Variants in DMTF1 observed in about 807,000 individuals in gnomAD.
DMTF1 encodes the protein cyclin-D-binding Myb-like transcription factor 1.
A neutral mutation model predicts 91.1 loss-of-function variants in DMTF1; 39 were observed. The observed-to-expected ratio is 0.43, with a 90% confidence interval of 0.33 to 0.56. The LOEUF is 0.56. Ranked by LOEUF, DMTF1 falls within the 20% of genes least tolerant of loss-of-function variation. The pLI, the probability that DMTF1 is intolerant of heterozygous loss-of-function variation, is 0.05. For missense variants in DMTF1, 750 were observed against 914.5 expected (o/e 0.82, Z 2.32); for synonymous variants, 338 against 309.5 (o/e 1.09, Z -0.97).
At position 87,173,534 on chromosome 7, in the gene DMTF1, G is replaced by T; in HGVS notation, c.328-1G>T. On this transcript the variant is annotated splice_acceptor_variant, in intron 5 of 17. Coordinates refer to ENST00000331242, the MANE Select transcript of DMTF1 (RefSeq NM_001142327.2). LOFTEE classifies it high-confidence loss of function. Reference sequence around the variant, plus strand: ...TTTTGTTTTACTTTTACCTTTTCAAGATTTTGCAGAATGAGCAACTAGATG... The same window carrying T: ...TTTTGTTTTACTTTTACCTTTTCAATATTTTGCAGAATGAGCAACTAGATG... 1.3e-6 allele frequency: 2 copies of T among 1,592,170 alleles called. No homozygotes were observed. The highest frequency in any genetic ancestry group is 1.7e-6 in the Non-Finnish European group (2 of 1,168,440).
intron 5 of DMTF1, 22 bp from the exon 6 acceptor site, chr7:87,173,513 G>GTTTT (rs754561150): frequency 6.6e-7 from 1 of 1,521,550 alleles, no homozygotes; most frequent in African/African-American, 1.4e-5. Context: ...GTTTTGTTTT[G>GTTTT]TTTTACTTTT....
At position 87,195,280 on chromosome 7, in the gene DMTF1, C is replaced by T; in HGVS notation, c.*140C>T. ...AGTCCTTAAGCCACACACATTGTTGCTGCTATGACTTTTTACCTCCTTTAA... is the reference window on the plus strand; with the variant it reads ...AGTCCTTAAGCCACACACATTGTTGTTGCTATGACTTTTTACCTCCTTTAA... On this transcript the variant is annotated 3_prime_UTR_variant, in exon 18 of 18. Transcript: ENST00000331242. 1.6e-6 allele frequency: 1 copy of T among 611,458 alleles called. No homozygotes were observed. The highest frequency in any genetic ancestry group is 2.0e-5 in the South Asian group (1 of 48,916). The allele number at this position is 611,458 out of a possible 1,614,324, so 37.9% of individuals were successfully genotyped here. A position where few individuals can be genotyped will look rare whatever the true frequency, so the allele number is the denominator to read the frequency against.
intron 8 of DMTF1, 80 bp downstream of exon 8, chr7:87,179,782 G>A (rs1243644022): frequency 7.7e-7 from 1 of 1,291,758 alleles, no homozygotes; most frequent in Non-Finnish European, 1.1e-6. Context: ...TTAAACAATA[G>A]AAATATGGTC....
At chr7:87,191,076 C>T (rs770810398) in intron 14 of DMTF1, 49 bp downstream of exon 14, 1 of 1,188,976 alleles carries the variant, frequency 8.4e-7, no homozygotes, top group East Asian at 2.5e-5. Flanking sequence ...TGAGAAAGAT[C>T]AGTTGCTATC....
chr7:87,177,138 T>C (rs1796425692), intron 7 of DMTF1, among the ~76,000 whole-genome samples: 1 of 152,196 alleles, frequency 6.6e-6, no homozygotes, highest in South Asian at 2.1e-4. Flanking sequence ...ATGCATACAC[T>C]GTGATTTCAC....
At chr7:87,154,710 T>G (rs1172691329) in intron 1 of DMTF1, among the ~76,000 whole-genome samples, 3 of 152,204 alleles carry the variant, frequency 2.0e-5, no homozygotes, top group Admixed American at 1.3e-4. Flanking sequence ...GGGAAATGTT[T>G]ACTGGTGGAG....
chr7:87,167,587 C>T (rs1235239551), intron 4 of DMTF1, among the ~76,000 whole-genome samples: 1 of 150,984 alleles, frequency 6.6e-6, no homozygotes, highest in East Asian at 1.9e-4. Flanking sequence ...TCATATCTAT[C>T]ATATCTTAAC....
At chr7:87,173,953 A>C (rs1037111456) in intron 6 of DMTF1, among the ~76,000 whole-genome samples, 3 of 152,156 alleles carry the variant, frequency 2.0e-5, no homozygotes, top group Non-Finnish European at 4.4e-5. Context: ...TGAGAGTAGG[A>C]AGTCAAGCCT....
chr7:87,176,566 C>G (rs10263920), intron 7 of DMTF1, among the ~76,000 whole-genome samples: 106,647 of 152,020 alleles, frequency 0.7, 38,268 homozygotes, highest in Middle Eastern at 0.86. Context: ...AGGACTTAAA[C>G]TACAGTGGTA....
At chr7:87,159,129 AAATT>A (rs776595695) in intron 1 of DMTF1, among the ~76,000 whole-genome samples, 1 of 152,164 alleles carries the variant, frequency 6.6e-6, no homozygotes, top group Non-Finnish European at 1.5e-5. Flanking sequence ...GAATAATTCA[AAATT>A]AAAGTTTTTA....
chr7:87,163,844 C>T (rs1367168856), intron 2 of DMTF1, among the ~76,000 whole-genome samples: 2 of 152,004 alleles, frequency 1.3e-5, no homozygotes, highest in Non-Finnish European at 2.9e-5. Flanking sequence ...AATACATTCA[C>T]TTCAGTGGTA....
intron 1 of DMTF1, among the ~76,000 whole-genome samples, chr7:87,156,372 A>G (rs1056881445): frequency 3.3e-5 from 5 of 152,170 alleles, no homozygotes; most frequent in Non-Finnish European, 7.4e-5. Context: ...AGACTCCACT[A>G]ACAGCTCTGT....
At chr7:87,194,910 T>G (rs551788128) in intron 17 of DMTF1, 82 bp downstream of exon 17, 357 of 1,493,174 alleles carry the variant, frequency 2.4e-4, no homozygotes, top group Non-Finnish European at 2.9e-4. Context: ...GTTTCAGTCT[T>G]TCTTGATCCA....
rs563619687 is a variant in DMTF1, at chr7:87,167,841, A to G, written c.232+1236A>G. ...ATTCTAAAACTTAATTGGCCTATCT[A>G]TACAGATGTAATCCTAAATATTTTC... is the stretch of plus-strand genomic sequence containing the variant. On this transcript the variant is annotated intron_variant, in intron 4 of 17. Coordinates refer to ENST00000331242, the MANE Select transcript of DMTF1 (RefSeq NM_001142327.2). Among the ~76,000 whole-genome samples, 5 of 152,330 alleles carry G rather than the reference A, an allele frequency of 3.3e-5. No individual in the cohort carries two copies. In the South Asian group the frequency reaches 6.2e-4, roughly 19 times the overall value.
chr7:87,180,837 T>C (rs1347930750), intron 8 of DMTF1, among the ~76,000 whole-genome samples: 2 of 149,410 alleles, frequency 1.3e-5, no homozygotes, highest in African/African-American at 4.9e-5. Context: ...AAAATAAAAA[T>C]AGAAGCATTT....
Position 87,173,523 on chromosome 7 carries a change from T to G in DMTF1, c.328-12T>G. On this transcript the variant is annotated splice_polypyrimidine_tract_variant and intron_variant, in intron 5 of 17. Coordinates refer to ENST00000331242, the MANE Select transcript of DMTF1 (RefSeq NM_001142327.2). ...GTTTTGTTTTGTTTTGTTTTACTTT[T>G]ACCTTTTCAAGATTTTGCAGAATGA... The G allele has an allele frequency of 6.4e-7, 1 of 1,567,808 alleles. No individual in the cohort carries two copies. Among genetic ancestry groups the G allele is most frequent in the South Asian group, 1.1e-5 (1 of 87,714 alleles).
intron 1 of DMTF1, among the ~76,000 whole-genome samples, chr7:87,160,141 T>C (rs2129053482): frequency 6.6e-6 from 1 of 152,330 alleles, no homozygotes; most frequent in Admixed American, 6.5e-5. Flanking sequence ...TATTTTGATT[T>C]ATTCACCACC....
intron 1 of DMTF1, among the ~76,000 whole-genome samples, chr7:87,161,185 A>T (rs1265854345): frequency 6.6e-6 from 1 of 152,150 alleles, no homozygotes; most frequent in African/African-American, 2.4e-5. Flanking sequence ...AGGGGAAAAA[A>T]GGTGAGTCAA....
At chr7:87,170,360 A>G (rs11971863) in intron 4 of DMTF1, among the ~76,000 whole-genome samples, 179 of 152,260 alleles carry the variant, frequency 1.2e-3, no homozygotes, top group African/African-American at 4.0e-3. Context: ...TTATTCCACT[A>G]TTCAAAATCT....
Sources: gnomAD v4.1 joint callset for allele counts (sites outside exome capture counted in the v4.1 genomes callset) on GRCh38, gnomAD v4.1.1 for gene constraint, MANE v1.5 for transcripts, NCBI Gene and HGNC (gene_info 2026-07-23, HGNC 2026-07-21) for gene names.